PALLD: variants seen among roughly 807,000 people sequenced by gnomAD.
PALLD encodes palladin.
In PALLD, 61 loss-of-function variants were observed where a neutral mutation model predicts 123.5. The observed-to-expected ratio is 0.49, with a 90% CI of 0.40 to 0.61. The LOEUF is 0.61. PALLD is among the 20% of genes least tolerant of loss of function. The pLI, the probability that PALLD is intolerant of heterozygous loss-of-function variation, is 0.00. For synonymous variants in PALLD, 465 were observed against 496.4 expected (o/e 0.94, Z 0.84); for missense variants, 1,273 against 1,377.0 (o/e 0.92, Z 1.20).
chr4:168,503,266 G>C (rs1032248338), intron 1 of PALLD, among the ~76,000 whole-genome samples: 2 of 152,196 alleles, frequency 1.3e-5, no homozygotes, highest in African/African-American at 4.8e-5. Flanking sequence ...CTTGGAAGAA[G>C]AAGCAAATTA....
At chr4:168,644,567 T>C (rs1292023270) in intron 2 of PALLD, among the ~76,000 whole-genome samples, 2 of 152,092 alleles carry the variant, frequency 1.3e-5, no homozygotes, top group African/African-American at 4.8e-5. Context: ...GCCCTAAGGG[T>C]TGACCGACTT....
At chr4:168,669,634 C>T (rs187070770) in intron 3 of PALLD, among the ~76,000 whole-genome samples, 29 of 152,142 alleles carry the variant, frequency 1.9e-4, no homozygotes, top group Admixed American at 1.5e-3. Flanking sequence ...TAAAAAGTAA[C>T]GATTACTGAT....
rs1427815189 is a variant in PALLD at position 168,511,468 on chromosome 4, T to C, written c.-37T>C. The stretch of plus-strand genomic sequence containing the variant: ...TTTCCAGTGCCTCTGGCCTTCCTAC[T>C]GAAAGCAGACACAGAGTGCATGAAG... On this transcript the variant is annotated 5_prime_UTR_variant, in exon 2 of 22. Coordinates refer to ENST00000505667, the MANE Select transcript of PALLD (RefSeq NM_001166108.2). 1.9e-6 allele frequency: 3 copies of C among 1,543,520 alleles called. No homozygotes were observed. The highest frequency in any genetic ancestry group is 2.7e-6 in the Non-Finnish European group (3 of 1,116,754).
At chr4:168,848,988 A>C (rs964233465) in intron 10 of PALLD, among the ~76,000 whole-genome samples, 2 of 152,208 alleles carry the variant, frequency 1.3e-5, no homozygotes, top group African/African-American at 4.8e-5. Context: ...GTTATTTTGT[A>C]GCTCTTCCTG....
At chr4:168,894,159 T>A (rs1011003748) in intron 11 of PALLD, 2 of 210,556 alleles carry the variant, frequency 9.5e-6, no homozygotes, top group African/African-American at 2.4e-5. Context: ...TTTGAGTATC[T>A]TTGTTTTTTC....
At chr4:168,867,400 C>T (rs1455939967) in intron 10 of PALLD, among the ~76,000 whole-genome samples, 5 of 152,092 alleles carry the variant, frequency 3.3e-5, no homozygotes, top group African/African-American at 7.2e-5. Flanking sequence ...CCTTCTCAGG[C>T]CTCCAGGATA....
rs551789524 is a variant in PALLD, at chr4:168,718,462, G to A, written c.1964+6539G>A. ...AATATTTCTAATTTTTTACATGTCT[G>A]CAACCTGTAGACTTAAATCATCCGT... On this transcript the variant is annotated intron_variant, in intron 10 of 21. Coordinates refer to ENST00000505667, the MANE Select transcript of PALLD (RefSeq NM_001166108.2). Among the ~76,000 whole-genome samples, 13 of 152,168 alleles carry A rather than the reference G, an allele frequency of 8.5e-5. 1 individual carries two copies. The South Asian group carries it at 2.5e-3, about 29-fold the overall frequency.
At chr4:168,547,613 A>C (rs1013268386) in intron 2 of PALLD, among the ~76,000 whole-genome samples, 3 of 147,980 alleles carry the variant, frequency 2.0e-5, no homozygotes, top group Non-Finnish European at 4.5e-5. Context: ...AGGTGCCTGT[A>C]GACTGAGCTA....
rs869054083 is a variant in PALLD at position 168,680,510 on chromosome 4, A to C, written c.1088-822A>C. ...AAAAAAAAAAAAAAAAAAAAAAAAA[A>C]CACTTATCTGGAACAATACACATCA... On this transcript the variant is annotated intron_variant, in intron 3 of 21. Transcript: ENST00000505667. 7.7e-5 allele frequency among the ~76,000 whole-genome samples: 10 copies of C among 129,290 alleles called. 1 individual carries two copies. Among genetic ancestry groups the C allele is most frequent in the South Asian group, 5.1e-4 (2 of 3,912 alleles). 84.8% of individuals were successfully genotyped at this position (129,290 alleles called of 152,430 possible).
At chr4:168,761,657 T>G (rs1230038574) in intron 10 of PALLD, among the ~76,000 whole-genome samples, 3 of 41,374 alleles carry the variant, frequency 7.3e-5, no homozygotes, top group Admixed American at 3.7e-4. Flanking sequence ...TTTTTTTTTT[T>G]TTTTTTTTTT....
At chr4:168,517,353 C>T (rs543129223) in intron 2 of PALLD, among the ~76,000 whole-genome samples, 1 of 152,108 alleles carries the variant, frequency 6.6e-6, no homozygotes, top group Non-Finnish European at 1.5e-5. Context: ...AGTCTAAATA[C>T]AATTACTCAT....
At chr4:168,693,481 T>C (rs1782844879) in intron 8 of PALLD, among the ~76,000 whole-genome samples, 1 of 152,246 alleles carries the variant, frequency 6.6e-6, no homozygotes, top group Non-Finnish European at 1.5e-5. Context: ...GAGCAAGATA[T>C]GGAAGGCCTT....
At chr4:168,666,394 C>T (rs953714527) in intron 2 of PALLD, among the ~76,000 whole-genome samples, 1 of 152,140 alleles carries the variant, frequency 6.6e-6, no homozygotes, top group African/African-American at 2.4e-5. Context: ...AATGCAGTTC[C>T]TCACACATAG....
intron 10 of PALLD, among the ~76,000 whole-genome samples, chr4:168,832,564 G>A (rs553213128): frequency 2.7e-4 from 41 of 152,274 alleles, no homozygotes; most frequent in African/African-American, 7.9e-4. Context: ...GACCTGGGGT[G>A]GGAGAGCAGA....
chr4:168,645,868 C>G (rs1353119253), intron 2 of PALLD, among the ~76,000 whole-genome samples: 2 of 152,076 alleles, frequency 1.3e-5, no homozygotes, highest in East Asian at 3.9e-4. Flanking sequence ...GTTCTCTAAC[C>G]AGCTCAGGCA....
chr4:168,782,754 A>T (rs564230446), intron 10 of PALLD, among the ~76,000 whole-genome samples: 2 of 149,684 alleles, frequency 1.3e-5, no homozygotes, highest in Non-Finnish European at 3.0e-5. Flanking sequence ...ACTAAAAAAA[A>T]AAATAAAAAA....
At chr4:168,815,067 G>A (rs149661047) in intron 10 of PALLD, among the ~76,000 whole-genome samples, 553 of 152,220 alleles carry the variant, frequency 3.6e-3, no homozygotes, top group Non-Finnish European at 6.4e-3. Context: ...CATTGTGCCC[G>A]GCGAATATTT....
chr4:168,668,461 A>C, intron 3 of PALLD, 93 bp downstream of exon 3: 1 of 994,838 alleles, frequency 1.0e-6, no homozygotes, highest in Non-Finnish European at 1.5e-6. Flanking sequence ...TTTCCAATGC[A>C]AATGGCACAA....
chr4:168,898,156 A>C (rs1755656687), intron 13 of PALLD: 6 of 347,788 alleles, frequency 1.7e-5, no homozygotes, highest in Non-Finnish European at 2.7e-5. Flanking sequence ...ATTATATTTT[A>C]TTGTTATCAA....
Sources: gnomAD v4.1 joint callset for allele counts (sites outside exome capture counted in the v4.1 genomes callset) on GRCh38, gnomAD v4.1.1 for gene constraint, MANE v1.5 for transcripts, NCBI Gene and HGNC (gene_info 2026-07-23, HGNC 2026-07-21) for gene names.